The following PADI1 variants were observed in gnomAD, a reference collection of about 807,000 sequenced individuals.
PADI1 encodes peptidyl arginine deiminase 1.
PADI1 carries 65 observed loss-of-function variants against 74.8 expected under a neutral mutation model. The ratio of observed to expected loss-of-function variants is 0.87; its 90% CI spans 0.71 to 1.07. The LOEUF is 1.07. PADI1 is among the 50% of genes least tolerant of loss of function. PADI1 has a pLI of 0.00. For synonymous variants in PADI1, 371 were observed against 336.2 expected (o/e 1.10, Z -1.13); for missense variants, 943 against 854.0 (o/e 1.10, Z -1.30).
At chr1:17,207,993 C>T (rs545101929) in intron 1 of PADI1, among the ~76,000 whole-genome samples, 1 of 152,370 alleles carries the variant, frequency 6.6e-6, no homozygotes, top group African/African-American at 2.4e-5. Flanking sequence ...GCCTGAAGCT[C>T]ACTCCAGCAG....
rs1435793788 is a variant in PADI1 at position 17,227,558 on chromosome 1, TAAA to T, written c.653-1066_653-1064del. ...ATAAATAAATAAATAAATAAATAAA[TAAA>T]TAAATAAATAAATAAATAAATTACC... On this transcript the variant is annotated intron_variant, in intron 6 of 15. Transcript: ENST00000375471. 1.4e-3 allele frequency among the ~76,000 whole-genome samples: 217 copies of T among 151,410 alleles called. 1 individual carries two copies. The highest frequency in any genetic ancestry group is 3.9e-3 in the African/African-American group (159 of 41,266).
At chr1:17,213,014 G>A (rs890188694) in intron 1 of PADI1, among the ~76,000 whole-genome samples, 1 of 152,166 alleles carries the variant, frequency 6.6e-6, no homozygotes, top group Admixed American at 6.5e-5. Context: ...GTTTCCTTCC[G>A]ACATCCCTGA....
intron 2 of PADI1, 47 bp from the exon 3 acceptor site, chr1:17,223,574 C>T (rs1358551119): frequency 1.3e-6 from 2 of 1,494,090 alleles, no homozygotes; most frequent in Admixed American, 3.3e-5. Flanking sequence ...CTGCCTCCGC[C>T]ATCTCTGAAG....
intron 15 of PADI1, 68 bp downstream of exon 15, chr1:17,240,828 C>T: frequency 6.4e-7 from 1 of 1,566,000 alleles, no homozygotes; most frequent in Non-Finnish European, 8.7e-7. Flanking sequence ...CTCCCTGGCC[C>T]AGGGCAGGCT....
chr1:17,242,721 G>A (rs2072802370), intron 15 of PADI1, among the ~76,000 whole-genome samples: 1 of 152,202 alleles, frequency 6.6e-6, no homozygotes, highest in Admixed American at 6.5e-5. Flanking sequence ...AAGGAGAGTG[G>A]GTCATGTGTC....
intron 4 of PADI1, 71 bp downstream of exon 4, chr1:17,224,499 T>C: frequency 8.7e-7 from 1 of 1,154,654 alleles, no homozygotes; most frequent in Non-Finnish European, 1.3e-6. Context: ...GGGTGGATTG[T>C]GCCCTCCCTC....
chr1:17,221,619 G>T (rs2072153186), intron 1 of PADI1, among the ~76,000 whole-genome samples: 1 of 152,100 alleles, frequency 6.6e-6, no homozygotes, highest in Non-Finnish European at 1.5e-5. Context: ...CCTTGAAGAG[G>T]GTGAGGGAAG....
chr1:17,233,736 A>G (rs556562802), intron 11 of PADI1, among the ~76,000 whole-genome samples: 1 of 152,298 alleles, frequency 6.6e-6, no homozygotes, highest in Non-Finnish European at 1.5e-5. Flanking sequence ...GGGTGCCCCC[A>G]CTTACCCCCC....
In PADI1 at chr1:17,218,405, G is replaced by A. The variant is rs144915203; in HGVS notation, c.93-3885G>A. On this transcript the variant is annotated intron_variant, in intron 1 of 15. Coordinates refer to ENST00000375471, the MANE Select transcript of PADI1 (RefSeq NM_013358.3). ...AACATTTGCCAGCACACCACTGCCT[G>A]GAGTTAGGGGGTAAGGGGGAGTGAC... is the stretch of plus-strand genomic sequence containing the variant. Among the ~76,000 whole-genome samples the A allele has an allele frequency of 1.7e-3, 255 of 152,258 alleles. 1 individual carries two copies. Among genetic ancestry groups the A allele is most frequent in the South Asian group, 3.7e-3 (18 of 4,818 alleles).
rs1228517547 is a variant in PADI1, at chr1:17,214,601, AC to A, written c.93-7688del. ...TTAGGTCTGGGGGCTACATCATGAGACATCACCAAAGAGAAGCATCTTGGAG... is the reference window on the plus strand; with the variant it reads ...TTAGGTCTGGGGGCTACATCATGAGAATCACCAAAGAGAAGCATCTTGGAG... On this transcript the variant is annotated intron_variant, in intron 1 of 15. Coordinates refer to ENST00000375471, the MANE Select transcript of PADI1 (RefSeq NM_013358.3). Among the ~76,000 whole-genome samples the A allele has an allele frequency of 2.0e-5, 3 of 152,266 alleles. No individual in the cohort carries two copies. In the East Asian group the frequency reaches 5.8e-4, roughly 29 times the overall value.
At chr1:17,240,195 C>A (rs746655366) in intron 14 of PADI1, 6 of 245,976 alleles carry the variant, frequency 2.4e-5, no homozygotes, top group Non-Finnish European at 4.8e-5. Context: ...GGGCAGGGCT[C>A]ACCCCAAGGA....
Position 17,222,448 on chromosome 1 carries a change from G to A in PADI1, c.251G>A (p.Ser84Asn), listed in dbSNP as rs1324555279. The A allele has an allele frequency of 4.3e-6, 7 of 1,613,842 alleles. No individual in the cohort carries two copies. The highest frequency in any genetic ancestry group is 5.9e-6 in the Non-Finnish European group (7 of 1,179,854). The change falls in exon 2 of 16, where the codon AGT becomes AAT. Residue 84 changes from serine to asparagine, a missense_variant. Physicochemically the swap from Ser to Asn is conservative, Grantham distance 46. Transcript: ENST00000375471. ...ATGGTCGTATCTGTGGGCACAGCCA[G>A]TAAGGAATTAAAGGACTTCAAGGTA... The part of the protein sequence containing the change: ...ADMVVSVGTA[S>N]KELKDFKVRV...
intron 11 of PADI1, among the ~76,000 whole-genome samples, chr1:17,236,165 C>G (rs1162778299): frequency 1.3e-5 from 2 of 152,168 alleles, no homozygotes; most frequent in Admixed American, 1.3e-4. Flanking sequence ...AATGGACAAA[C>G]CAGACAACCA....
chr1:17,224,232 T>C, intron 3 of PADI1, 135 bp from the exon 4 acceptor site: 1 of 719,162 alleles, frequency 1.4e-6, no homozygotes, highest in Admixed American at 2.2e-5. Context: ...CTCCCAAGTG[T>C]GGGGTCTGAC....
intron 1 of PADI1, among the ~76,000 whole-genome samples, chr1:17,214,246 G>A (rs1408939020): frequency 1.3e-5 from 2 of 152,150 alleles, no homozygotes; most frequent in African/African-American, 4.8e-5. Flanking sequence ...GAGTGACCCA[G>A]TTGGAGGCCA....
chr1:17,210,703 T>A (rs1415844560), intron 1 of PADI1, among the ~76,000 whole-genome samples: 1 of 152,064 alleles, frequency 6.6e-6, no homozygotes, highest in Non-Finnish European at 1.5e-5. Context: ...CCTGAGAAAA[T>A]GCCTGAGCCT....
chr1:17,239,656 C>T (rs2072730752), intron 13 of PADI1, 48 bp from the exon 14 acceptor site: 1 of 1,420,214 alleles, frequency 7.0e-7, no homozygotes, highest in African/African-American at 1.4e-5. Context: ...TGAAGACGGC[C>T]TCCAGGCAGT....
At chr1:17,228,319 A>G (rs2072381869) in intron 6 of PADI1, among the ~76,000 whole-genome samples, 3 of 152,218 alleles carry the variant, frequency 2.0e-5, no homozygotes, top group Admixed American at 1.3e-4. Flanking sequence ...CATCTTATGA[A>G]TATATTACAT....
At chr1:17,214,263 A>G (rs2071913246) in intron 1 of PADI1, among the ~76,000 whole-genome samples, 1 of 152,166 alleles carries the variant, frequency 6.6e-6, no homozygotes, top group Non-Finnish European at 1.5e-5. Context: ...GCCATGCTCC[A>G]CACAGAACCC....
Sources: allele counts gnomAD v4.1 joint callset (sites outside exome capture counted in the v4.1 genomes callset), GRCh38; gene constraint gnomAD v4.1.1; transcripts MANE v1.5; gene names NCBI Gene and HGNC (gene_info 2026-07-23, HGNC 2026-07-21).